The following SLC14A2 variants were observed in gnomAD, a reference collection of about 807,000 sequenced individuals.
The protein encoded by SLC14A2 is solute carrier family 14 member 2.
Under a neutral mutation model 104.6 loss-of-function variants are expected in SLC14A2, and 91 were observed. The ratio of observed to expected loss-of-function variants is 0.87; its 90% CI spans 0.73 to 1.04. The LOEUF (loss-of-function observed/expected upper bound fraction) is 1.04, where lower values mean the gene tolerates loss of function less well. Among genes scored for constraint, SLC14A2 ranks in the 50% least tolerant of loss-of-function variants. SLC14A2 has a pLI of 0.00. For synonymous variants in SLC14A2, 476 were observed against 466.4 expected, an observed-to-expected ratio of 1.02 and a Z score of -0.27; for missense variants, 1,189 against 1,156.0, an observed-to-expected ratio of 1.03 and a Z score of -0.41.
At chr18:45,245,624 C>A (rs992988332) in intron 1 of SLC14A2, among the ~76,000 whole-genome samples, 1 of 152,236 alleles carries the variant, frequency 6.6e-6, no homozygotes, top group African/African-American at 2.4e-5. Flanking sequence ...TGGTCACAAC[C>A]AGCCACCAAG....
In SLC14A2 at chr18:45,287,704, T is replaced by G. The variant is rs2084828528; in HGVS notation, c.-125+74513T>G. On this transcript the variant is annotated intron_variant, in intron 1 of 20. Coordinates refer to the SLC14A2 transcript ENST00000586448. Reference sequence around the variant, plus strand: ...TTGCTGGCTGTTGTGAACTTCCACCTTCTCTGGCTTCCAGGGCCTTTGGAT... The same window carrying G: ...TTGCTGGCTGTTGTGAACTTCCACCGTCTCTGGCTTCCAGGGCCTTTGGAT... Among the ~76,000 whole-genome samples, 2 of 152,208 alleles carry G rather than the reference T, an allele frequency of 1.3e-5. 1 individual carries two copies. The highest frequency in any genetic ancestry group is 4.1e-4 in the South Asian group (2 of 4,826).
chr18:45,663,639 A>C (rs1011497596), intron 10 of SLC14A2, 146 bp from the exon 11 acceptor site: 24 of 813,448 alleles, frequency 3.0e-5, no homozygotes, highest in Non-Finnish European at 3.7e-5. Context: ...TGTTTTATGC[A>C]GAGACTGATG....
At chr18:45,491,760 T>C (rs1484905596) in intron 2 of SLC14A2, among the ~76,000 whole-genome samples, 1 of 152,156 alleles carries the variant, frequency 6.6e-6, no homozygotes, top group Non-Finnish European at 1.5e-5. Context: ...GCTGTGGATG[T>C]CTGCTCATGC....
chr18:45,347,962 G>A (rs374758824), intron 1 of SLC14A2, among the ~76,000 whole-genome samples: 6 of 152,176 alleles, frequency 3.9e-5, no homozygotes, highest in African/African-American at 7.2e-5. Context: ...GTGAGCTCCC[G>A]AAAAAACCAG....
intron 1 of SLC14A2, among the ~76,000 whole-genome samples, chr18:45,391,441 A>T (rs2085962804): frequency 6.6e-6 from 1 of 152,234 alleles, no homozygotes. Flanking sequence ...GTATATACCC[A>T]GTAATGGGAT....
chr18:45,280,079 G>A lies in SLC14A2; in HGVS notation c.-125+66888G>A, dbSNP rs534694267. Among the ~76,000 whole-genome samples, 4 of 152,274 alleles carry A rather than the reference G, an allele frequency of 2.6e-5. No individual in the cohort carries two copies. The South Asian group carries it at 8.3e-4, about 32-fold the overall frequency. ...GTGCTGATCTATTTCTAACAAACCT[G>A]CTATTTGTGCTGCGTACTGTTCACT... On this transcript the variant is annotated intron_variant, in intron 1 of 20. Coordinates refer to the SLC14A2 transcript ENST00000586448.
At chr18:45,451,840 A>C (rs1265409130) in intron 1 of SLC14A2, among the ~76,000 whole-genome samples, 1 of 152,204 alleles carries the variant, frequency 6.6e-6, no homozygotes, top group Non-Finnish European at 1.5e-5. Context: ...GACCAAGTAC[A>C]TTCTGTTTTG....
chr18:45,585,909 G>A (rs926156765), intron 2 of SLC14A2, among the ~76,000 whole-genome samples: 7 of 152,294 alleles, frequency 4.6e-5, no homozygotes, highest in South Asian at 2.1e-4. Context: ...GAGCAGGTTC[G>A]AGGGTTCCTG....
At chr18:45,210,290 T>G (rs1283546084), upstream of SLC14A2, among the ~76,000 whole-genome samples, 1 of 152,200 alleles carries the variant, frequency 6.6e-6, no homozygotes. Flanking sequence ...AAAGCAGTAC[T>G]CCTTTAAATA....
chr18:45,592,418 C>A (rs891624095), intron 2 of SLC14A2, among the ~76,000 whole-genome samples: 1 of 152,146 alleles, frequency 6.6e-6, no homozygotes, highest in African/African-American at 2.4e-5. Flanking sequence ...GCATTTCCAC[C>A]TGGAGGTTGA....
intron 1 of SLC14A2, among the ~76,000 whole-genome samples, chr18:45,412,102 G>C (rs867378407): frequency 1.3e-5 from 2 of 152,272 alleles, no homozygotes; most frequent in African/African-American, 4.8e-5. Flanking sequence ...GTTGTTGTTA[G>C]TTTGCTGTTG....
At position 45,669,445 on chromosome 18, in the gene SLC14A2, C is replaced by T. The variant is rs757013793; in HGVS notation, c.2176C>T (p.Gln726Ter). 4 of 1,614,150 alleles carry T rather than the reference C, an allele frequency of 2.5e-6. No homozygotes were observed. The highest frequency in any genetic ancestry group is 2.2e-5 in the East Asian group (1 of 44,874). Reference sequence around the variant, plus strand: ...CCTTTTCTTCCCCACAACGCTGCTGCAGCCTGCATCCGCCATGCCCAACAT... The same window carrying T: ...CCTTTTCTTCCCCACAACGCTGCTGTAGCCTGCATCCGCCATGCCCAACAT... ...YNLFFPTTLL[Q>*]PASAMPNITW... is the part of the protein sequence containing the mutation. The change falls in exon 16 of 20, where the codon CAG (glutamine) becomes TAG (stop). Residue 726 changes from glutamine to a stop codon, truncating the protein, a stop_gained. Transcript: ENST00000255226. LOFTEE classifies it high-confidence loss of function.
intron 1 of SLC14A2, among the ~76,000 whole-genome samples, chr18:45,413,120 C>T (rs1386070967): frequency 6.6e-6 from 1 of 152,118 alleles, no homozygotes; most frequent in East Asian, 1.9e-4. Flanking sequence ...CCGAAAGAAG[C>T]TTATGGTCCA....
chr18:45,333,664 ACTC>A (rs1489067740), intron 1 of SLC14A2, among the ~76,000 whole-genome samples: 3 of 152,048 alleles, frequency 2.0e-5, no homozygotes, highest in African/African-American at 7.2e-5. Flanking sequence ...AGGGGTGTAA[ACTC>A]CTGCTCTGTC....
At chr18:45,460,451 C>T (rs895996644) in intron 1 of SLC14A2, among the ~76,000 whole-genome samples, 3 of 152,194 alleles carry the variant, frequency 2.0e-5, no homozygotes, top group Non-Finnish European at 4.4e-5. Context: ...AGGGACCTTC[C>T]TGACTGTTCC....
In SLC14A2 at chr18:45,282,719, T is replaced by C. The variant is rs939309499; in HGVS notation, c.-125+69528T>C. On this transcript the variant is annotated intron_variant, in intron 1 of 20. Coordinates refer to the SLC14A2 transcript ENST00000586448. The stretch of plus-strand genomic sequence containing the variant: ...GGATTTCGAAATACAGCAGGGCATA[T>C]CTTTGGTTATTGTGCTCTGTGTGGG... Among the ~76,000 whole-genome samples the C allele has an allele frequency of 2.0e-5, 3 of 152,122 alleles. No individual in the cohort carries two copies. The East Asian group carries it at 5.8e-4, about 29-fold the overall frequency.
At chr18:45,584,774 T>C (rs991510331) in intron 2 of SLC14A2, among the ~76,000 whole-genome samples, 1 of 152,214 alleles carries the variant, frequency 6.6e-6, no homozygotes. Flanking sequence ...GGCCTATGCT[T>C]CTATAATCTG....
chr18:45,179,967 G>A, the SLC14A2 span: 6 of 152,108 alleles, frequency 3.9e-5, no homozygotes, highest in African/African-American at 9.7e-5. Context: ...ACATCCTAGT[G>A]AGACCTTGAC....
At chr18:45,583,273 C>G (rs2044523337) in intron 2 of SLC14A2, among the ~76,000 whole-genome samples, 1 of 152,212 alleles carries the variant, frequency 6.6e-6, no homozygotes, top group Admixed American at 6.5e-5. Context: ...TCTTCCCCAG[C>G]TTCTCTCTTG....
Sources: allele counts gnomAD v4.1 joint callset (sites outside exome capture counted in the v4.1 genomes callset), GRCh38; gene constraint gnomAD v4.1.1; transcripts MANE v1.5; gene names NCBI Gene and HGNC (gene_info 2026-07-23, HGNC 2026-07-21).